PLA2G4E: variants seen among roughly 807,000 people sequenced by gnomAD.
PLA2G4E encodes the protein cytosolic phospholipase A2 epsilon.
In PLA2G4E, 84 loss-of-function variants were observed where a neutral mutation model predicts 109.1. That is an observed-to-expected ratio of 0.77 (90% confidence interval 0.65 to 0.92). The LOEUF (loss-of-function observed/expected upper bound fraction) is 0.92. Ranked by LOEUF, PLA2G4E falls within the 40% of genes least tolerant of loss-of-function variation. The pLI is 0.00. For missense variants in PLA2G4E, 1,057 were observed against 1,076.6 expected, an observed-to-expected ratio of 0.98 and a Z score of 0.25; for synonymous variants, 469 against 436.1, an observed-to-expected ratio of 1.08 and a Z score of -0.94.
intron 5 of PLA2G4E, among the ~76,000 whole-genome samples, chr15:42,003,557 T>A (rs1429060201): frequency 6.6e-6 from 1 of 152,250 alleles, no homozygotes; most frequent in African/African-American, 2.4e-5. Context: ...TTCTGTCAAA[T>A]CAAGAATTGG....
Position 42,024,870 on chromosome 15 carries a change from A to G in PLA2G4E, c.184-11113T>C, listed in dbSNP as rs150140913. ...CGTATATACGGAATTTTAGCATACAATAAAGGAAGTATGTGAAATCAGTCG... is the reference window on the plus strand; with the variant it reads ...CGTATATACGGAATTTTAGCATACAGTAAAGGAAGTATGTGAAATCAGTCG... On this transcript the variant is annotated intron_variant, in intron 1 of 19. Transcript: ENST00000399518. Among the ~76,000 whole-genome samples, 93 of 152,320 alleles carry G rather than the reference A, an allele frequency of 6.1e-4. 5 individuals carry two copies. In the East Asian group the frequency reaches 0.016, roughly 27 times the overall value.
At chr15:42,039,924 C>T (rs1176546865) in intron 1 of PLA2G4E, among the ~76,000 whole-genome samples, 1 of 152,094 alleles carries the variant, frequency 6.6e-6, no homozygotes, top group African/African-American at 2.4e-5. Context: ...TTTGGGGGAA[C>T]TTAACCAAAA....
At chr15:41,994,532 ATTTTTG>A (rs1172982861) in intron 12 of PLA2G4E, among the ~76,000 whole-genome samples, 1 of 152,062 alleles carries the variant, frequency 6.6e-6, no homozygotes, top group Non-Finnish European at 1.5e-5. Flanking sequence ...TATGTTTTTT[ATTTTTG>A]TTTTTTTTAA....
intron 1 of PLA2G4E, among the ~76,000 whole-genome samples, chr15:42,049,468 C>T (rs1889471783): frequency 6.6e-6 from 1 of 152,170 alleles, no homozygotes; most frequent in Non-Finnish European, 1.5e-5. Flanking sequence ...TGCTGGGGGA[C>T]ATACTCCCCC....
intron 10 of PLA2G4E, 37 bp from the exon 11 acceptor site, chr15:41,997,296 C>T (rs1305943945): frequency 6.7e-7 from 1 of 1,502,958 alleles, no homozygotes; most frequent in Admixed American, 2.2e-5. Flanking sequence ...GGCCTGCAGC[C>T]TCTACCTCCC....
At chr15:42,037,248 C>A in intron 1 of PLA2G4E, among the ~76,000 whole-genome samples, 1 of 152,244 alleles carries the variant, frequency 6.6e-6, no homozygotes, top group East Asian at 1.9e-4. Context: ...GGCTGCCAGT[C>A]CTGTAGATCA....
chr15:42,024,202 A>C (rs1209475727), intron 1 of PLA2G4E, among the ~76,000 whole-genome samples: 1 of 152,220 alleles, frequency 6.6e-6, no homozygotes, highest in East Asian at 1.9e-4. Flanking sequence ...AGTGTCAGGC[A>C]AACAGTGACA....
At chr15:42,019,916 GC>G (rs1398497935) in intron 1 of PLA2G4E, among the ~76,000 whole-genome samples, 1 of 152,210 alleles carries the variant, frequency 6.6e-6, no homozygotes, top group Non-Finnish European at 1.5e-5. Flanking sequence ...CTGCTTCACT[GC>G]CCCCTTTGAG....
At chr15:42,035,048 C>T (rs1022450148) in intron 1 of PLA2G4E, among the ~76,000 whole-genome samples, 1 of 152,196 alleles carries the variant, frequency 6.6e-6, no homozygotes, top group Admixed American at 6.5e-5. Context: ...TCACTGTCCC[C>T]TGAACTGAGT....
intron 17 of PLA2G4E, among the ~76,000 whole-genome samples, chr15:41,986,628 C>T (rs544632372): frequency 1.1e-4 from 16 of 152,020 alleles, no homozygotes; most frequent in African/African-American, 3.9e-4. Context: ...AATGATCCTT[C>T]TATCTCAGCC....
intron 1 of PLA2G4E, among the ~76,000 whole-genome samples, chr15:42,041,975 C>G (rs931282024): frequency 1.1e-4 from 16 of 152,164 alleles, no homozygotes; most frequent in Non-Finnish European, 2.4e-4. Flanking sequence ...TGCGAATTCT[C>G]TGGGCTATTT....
At chr15:42,011,084 G>A (rs1210704353) in intron 2 of PLA2G4E, among the ~76,000 whole-genome samples, 1 of 152,236 alleles carries the variant, frequency 6.6e-6, no homozygotes, top group African/African-American at 2.4e-5. Flanking sequence ...CATGACTGGG[G>A]TTGGCACCCC....
chr15:41,986,834 A>G, intron 17 of PLA2G4E: 1 of 344,202 alleles, frequency 2.9e-6, no homozygotes. Flanking sequence ...CTCACATTAA[A>G]GGGCATCCCC....
At chr15:41,990,919 C>T (rs981583921) in intron 13 of PLA2G4E, among the ~76,000 whole-genome samples, 1 of 151,966 alleles carries the variant, frequency 6.6e-6, no homozygotes, top group African/African-American at 2.4e-5. Context: ...GAGGCCCAGG[C>T]TCTGACCCCA....
rs571224384 is a variant in PLA2G4E at position 42,035,291 on chromosome 15, C to T, written c.183+15230G>A. 6.6e-5 allele frequency among the ~76,000 whole-genome samples: 10 copies of T among 152,382 alleles called. No individual in the cohort carries two copies. In the South Asian group the frequency reaches 2.1e-3, roughly 32 times the overall value. On this transcript the variant is annotated intron_variant, in intron 1 of 19. Coordinates refer to ENST00000399518, the Ensembl canonical transcript of PLA2G4E. ...CTGTCATATGTCTACCCACCACTCA[C>T]ATACCTTACTGCCTTGGTGACATCC...
In PLA2G4E at chr15:42,036,539, G is replaced by A. The variant is rs118114805; in HGVS notation, c.183+13982C>T. Reference sequence around the variant, plus strand: ...GCTCTGCTCGGCGCTGCTCAGGGCCGCGTCCCCAGGTCCACCCTGCATCTG... The same window carrying A: ...GCTCTGCTCGGCGCTGCTCAGGGCCACGTCCCCAGGTCCACCCTGCATCTG... On this transcript the variant is annotated intron_variant, in intron 1 of 19. Transcript: ENST00000399518. Among the ~76,000 whole-genome samples, 953 of 152,224 alleles carry A rather than the reference G, an allele frequency of 6.3e-3. 10 individuals carry two copies. Among genetic ancestry groups the A allele is most frequent in the Non-Finnish European group, 0.01 (696 of 67,972 alleles).
At chr15:42,006,260 G>A (rs1488583678) in intron 3 of PLA2G4E, 139 bp from the exon 4 acceptor site, 1 of 1,075,264 alleles carries the variant, frequency 9.3e-7, no homozygotes, top group Non-Finnish European at 1.3e-6. Flanking sequence ...GCTCAGATGT[G>A]ACAGACATTT....
At position 41,990,669 on chromosome 15, in the gene PLA2G4E, A is replaced by G. The variant is rs111407267; in HGVS notation, c.1471-434T>C. Among the ~76,000 whole-genome samples the G allele has an allele frequency of 9.1e-3, 1,382 of 151,822 alleles. 15 individuals carry two copies. The highest frequency in any genetic ancestry group is 0.025 in the African/African-American group (1,024 of 41,312). ...GTTGAGCTCCCTCAACTGAGGGGTA[A>G]AAAGTTGGGGGAAAAGAAGTTTCCC... On this transcript the variant is annotated intron_variant, in intron 13 of 19. Transcript: ENST00000399518.
intron 6 of PLA2G4E, 147 bp downstream of exon 6, chr15:42,002,507 G>T (rs1016426686): frequency 4.7e-6 from 4 of 855,558 alleles, no homozygotes; most frequent in Admixed American, 2.3e-5. Flanking sequence ...GCCCCATTTG[G>T]CTGGCCTCGT....
Sources: allele counts gnomAD v4.1 joint callset (sites outside exome capture counted in the v4.1 genomes callset), GRCh38; gene constraint gnomAD v4.1.1; transcripts MANE v1.5; gene names NCBI Gene and HGNC (gene_info 2026-07-23, HGNC 2026-07-21).